ENAH: variants seen among roughly 807,000 people sequenced by gnomAD.
ENAH encodes protein enabled homolog.
ENAH carries 23 observed loss-of-function variants against 78.7 expected under a neutral mutation model. The ratio of observed to expected loss-of-function variants is 0.29; its 90% confidence interval spans 0.21 to 0.41. ENAH has a LOEUF of 0.41. Ranked by LOEUF, ENAH falls within the 10% of genes least tolerant of loss-of-function variation. The pLI, the probability that ENAH is intolerant of heterozygous loss-of-function variation, is 1.00. For synonymous variants in ENAH, 226 were observed against 241.0 expected (o/e 0.94, Z 0.58); for missense variants, 544 against 691.0 (o/e 0.79, Z 2.39).
At chr1:225,533,962 A>G (rs1359285997) in intron 3 of ENAH, among the ~76,000 whole-genome samples, 1 of 152,156 alleles carries the variant, frequency 6.6e-6, no homozygotes, top group Non-Finnish European at 1.5e-5. Flanking sequence ...AATTAAAGGT[A>G]ATAATGGGGG....
chr1:225,576,055 G>A (rs575455946), intron 1 of ENAH, among the ~76,000 whole-genome samples: 2 of 152,036 alleles, frequency 1.3e-5, no homozygotes, highest in Non-Finnish European at 2.9e-5. Context: ...GCTCCCAGAG[G>A]TTGAGAATCA....
At chr1:225,622,175 T>C (rs954813530) in intron 1 of ENAH, among the ~76,000 whole-genome samples, 3 of 152,214 alleles carry the variant, frequency 2.0e-5, no homozygotes, top group Non-Finnish European at 4.4e-5. Flanking sequence ...TATTGAGTGT[T>C]AGGCTTATGG....
At chr1:225,586,340 G>A (rs2096846770) in intron 1 of ENAH, among the ~76,000 whole-genome samples, 1 of 151,152 alleles carries the variant, frequency 6.6e-6, no homozygotes, top group Admixed American at 6.6e-5. Flanking sequence ...GGAAAAGGAA[G>A]AAAGAAATTG....
chr1:225,554,441 G>A (rs1035294860), intron 3 of ENAH, among the ~76,000 whole-genome samples: 7 of 151,948 alleles, frequency 4.6e-5, no homozygotes, highest in Admixed American at 2.6e-4. Flanking sequence ...TAAAAAAACC[G>A]AGAATCACAT....
At chr1:225,648,780 A>G (rs1052509471) in intron 1 of ENAH, among the ~76,000 whole-genome samples, 9 of 125,196 alleles carry the variant, frequency 7.2e-5, no homozygotes, top group Non-Finnish European at 1.2e-4. Flanking sequence ...TTTTTTTACC[A>G]GTTTACTCAA....
At chr1:225,539,148 C>T (rs1005255859) in intron 3 of ENAH, among the ~76,000 whole-genome samples, 6 of 152,162 alleles carry the variant, frequency 3.9e-5, no homozygotes, top group African/African-American at 1.2e-4. Flanking sequence ...AAATCCACTA[C>T]CTTTTCTTTT....
chr1:225,622,849 G>A (rs1051008732), intron 1 of ENAH, among the ~76,000 whole-genome samples: 3 of 152,160 alleles, frequency 2.0e-5, no homozygotes, highest in Non-Finnish European at 4.4e-5. Context: ...AGAGCTAGGG[G>A]ATAGGGGATC....
chr1:225,590,082 AACACACACACACACACACACAC>A (rs3050220), intron 1 of ENAH, among the ~76,000 whole-genome samples: 38 of 131,496 alleles, frequency 2.9e-4, no homozygotes, highest in African/African-American at 8.8e-4. Context: ...CTCATCACTC[AACACACACACACACACACACAC>A]ACACACACAC....
At chr1:225,609,205 AT>A (rs1431765807) in intron 1 of ENAH, among the ~76,000 whole-genome samples, 1 of 152,138 alleles carries the variant, frequency 6.6e-6, no homozygotes, top group African/African-American at 2.4e-5. Flanking sequence ...AAACTGAAAG[AT>A]TACCTGATGT....
intron 11 of ENAH, among the ~76,000 whole-genome samples, chr1:225,503,056 A>G (rs2096293391): frequency 6.6e-6 from 1 of 152,206 alleles, no homozygotes; most frequent in Non-Finnish European, 1.5e-5. Flanking sequence ...ATTGTTATGT[A>G]ATAAACAATT....
At chr1:225,521,391 G>T (rs2096466922) in intron 4 of ENAH, among the ~76,000 whole-genome samples, 1 of 152,012 alleles carries the variant, frequency 6.6e-6, no homozygotes, top group African/African-American at 2.4e-5. Context: ...AGGCACGGTG[G>T]CTCATGCCTG....
intron 1 of ENAH, among the ~76,000 whole-genome samples, chr1:225,631,313 T>A (rs992600577): frequency 1.3e-5 from 2 of 152,040 alleles, no homozygotes; most frequent in Non-Finnish European, 1.5e-5. Flanking sequence ...CTTTGGCTCA[T>A]GCCTGTAATC....
intron 3 of ENAH, among the ~76,000 whole-genome samples, chr1:225,547,273 T>C (rs1035606280): frequency 6.6e-6 from 1 of 152,124 alleles, no homozygotes; most frequent in Non-Finnish European, 1.5e-5. Context: ...GGTTTCACCA[T>C]GTTGGTCAGG....
At chr1:225,517,976 T>C in intron 5 of ENAH, 1 of 1,541,932 alleles carries the variant, frequency 6.5e-7, no homozygotes, top group Non-Finnish European at 8.7e-7. Flanking sequence ...TACAGGGAGC[T>C]GTCTGAAGAT....
chr1:225,554,602 G>A (rs17502075), intron 3 of ENAH, among the ~76,000 whole-genome samples: 6,659 of 152,226 alleles, frequency 0.044, 228 homozygotes, highest in South Asian at 0.11. Context: ...ACTTGCAACG[G>A]AAGTGTTTCT....
intron 1 of ENAH, among the ~76,000 whole-genome samples, chr1:225,608,054 CAA>C (rs1436592253): frequency 6.6e-6 from 1 of 151,426 alleles, no homozygotes; most frequent in African/African-American, 2.4e-5. Flanking sequence ...AAAAAAGAAA[CAA>C]CGCAAGGAAC....
At chr1:225,605,400 T>G (rs2096951572) in intron 1 of ENAH, among the ~76,000 whole-genome samples, 1 of 152,146 alleles carries the variant, frequency 6.6e-6, no homozygotes, top group African/African-American at 2.4e-5. Context: ...TTCTGTGATG[T>G]ACAGTTACTC....
chr1:225,570,389 T>C (rs1327677495), intron 1 of ENAH, among the ~76,000 whole-genome samples: 1 of 145,010 alleles, frequency 6.9e-6, no homozygotes, highest in South Asian at 2.1e-4. Flanking sequence ...TATACATGGA[T>C]TTTTTTTTTC....
At chr1:225,538,094 T>C (rs905045983) in intron 3 of ENAH, among the ~76,000 whole-genome samples, 1 of 152,114 alleles carries the variant, frequency 6.6e-6, no homozygotes, top group African/African-American at 2.4e-5. Context: ...CTGATTTGCA[T>C]TCTCTGGAAG....
Sources: allele counts gnomAD v4.1 joint callset (sites outside exome capture counted in the v4.1 genomes callset), GRCh38; gene constraint gnomAD v4.1.1; transcripts MANE v1.5; gene names NCBI Gene and HGNC (gene_info 2026-07-23, HGNC 2026-07-21).